Variants in PALLD observed in about 807,000 individuals in gnomAD.
PALLD encodes palladin.
PALLD carries 61 observed loss-of-function variants against 123.5 expected under a neutral mutation model. The ratio of observed to expected loss-of-function variants is 0.49; its 90% CI spans 0.40 to 0.61. The LOEUF (loss-of-function observed/expected upper bound fraction) is 0.61. PALLD is among the 20% of genes least tolerant of loss of function. The pLI, the probability that PALLD is intolerant of heterozygous loss-of-function variation, is 0.00. For synonymous variants in PALLD, 465 were observed against 496.4 expected (o/e 0.94, Z 0.84); for missense variants, 1,273 against 1,377.0 (o/e 0.92, Z 1.20).
intron 2 of PALLD, among the ~76,000 whole-genome samples, chr4:168,533,660 GC>G (rs1292717512): frequency 6.6e-6 from 1 of 152,182 alleles, no homozygotes; most frequent in African/African-American, 2.4e-5. Flanking sequence ...TGAAATGGGG[GC>G]TGGAGCTTGG....
At chr4:168,588,728 G>A (rs983461919) in intron 2 of PALLD, among the ~76,000 whole-genome samples, 1 of 150,288 alleles carries the variant, frequency 6.7e-6, no homozygotes, top group Non-Finnish European at 1.5e-5. Context: ...TACTTTTTAA[G>A]CATACTCTGG....
At chr4:168,761,645 G>GTTTTTTTGTTTTTTT (rs1732873381) in intron 10 of PALLD, among the ~76,000 whole-genome samples, 1 of 88,024 alleles carries the variant, frequency 1.1e-5, no homozygotes, top group African/African-American at 4.1e-5. Context: ...GTTGTTGTTT[G>GTTTTTTTGTTTTTTT]TTTTTTTTTT....
intron 2 of PALLD, among the ~76,000 whole-genome samples, chr4:168,662,305 C>T (rs906624545): frequency 2.0e-5 from 3 of 152,182 alleles, no homozygotes; most frequent in Admixed American, 6.5e-5. Flanking sequence ...TCAATCAAAA[C>T]CCCTCTCCAC....
At chr4:168,753,405 T>TC (rs1456515428) in intron 10 of PALLD, among the ~76,000 whole-genome samples, 2 of 141,338 alleles carry the variant, frequency 1.4e-5, no homozygotes, top group African/African-American at 5.2e-5. Context: ...GACCCTCTCC[T>TC]CCTCTTCCCT....
At chr4:168,586,514 C>T (rs776508611) in intron 2 of PALLD, among the ~76,000 whole-genome samples, 5 of 152,170 alleles carry the variant, frequency 3.3e-5, no homozygotes, top group African/African-American at 1.2e-4. Context: ...GCGAATCCCT[C>T]TCTTTACTTT....
intron 10 of PALLD, among the ~76,000 whole-genome samples, chr4:168,849,397 G>GGT (rs1196802372): frequency 6.6e-6 from 1 of 152,216 alleles, no homozygotes; most frequent in Non-Finnish European, 1.5e-5. Flanking sequence ...GCGTTTTTAA[G>GGT]GTGATTTCTA....
intron 2 of PALLD, among the ~76,000 whole-genome samples, chr4:168,579,106 C>T (rs1414286388): frequency 6.6e-6 from 1 of 152,126 alleles, no homozygotes; most frequent in Non-Finnish European, 1.5e-5. Context: ...GTAATTTTGA[C>T]TAAGGCAGTC....
At chr4:168,598,511 G>A (rs1772219845) in intron 2 of PALLD, 2 of 467,024 alleles carry the variant, frequency 4.3e-6, no homozygotes, top group South Asian at 3.8e-5. Flanking sequence ...AGCAGAGAGA[G>A]GTAATTGCAA....
At chr4:168,574,371 T>C (rs1456978599) in intron 2 of PALLD, among the ~76,000 whole-genome samples, 2 of 152,152 alleles carry the variant, frequency 1.3e-5, no homozygotes, top group Non-Finnish European at 2.9e-5. Flanking sequence ...TTTGCCACTA[T>C]TTAGCCTCTT....
chr4:168,542,717 CATATATATATATATATATATAT>C (rs70961531), intron 2 of PALLD, among the ~76,000 whole-genome samples: 1,733 of 88,938 alleles, frequency 0.019, 110 homozygotes, highest in Admixed American at 0.089. Flanking sequence ...CTAACCTTTC[CATATATATATATATATATATAT>C]ATATATATAT....
Position 168,685,540 on chromosome 4 carries a change from TTCC to T in PALLD, c.1321_1323del (p.Pro441del). 6.2e-7 allele frequency: 1 copy of T among 1,611,484 alleles called. No homozygotes were observed. The highest frequency in any genetic ancestry group is 8.5e-7 in the Non-Finnish European group (1 of 1,177,556). ...CCTGATGGAACCACTACTGCCTACT[TTCC>T]TCCTGTTTTTACAAAGGTCTGACAT... On this transcript the variant is annotated inframe_deletion, in exon 6 of 22. Transcript: ENST00000505667.
chr4:168,714,718 C>T (rs559385400), intron 10 of PALLD, among the ~76,000 whole-genome samples: 1 of 152,142 alleles, frequency 6.6e-6, no homozygotes, highest in South Asian at 2.1e-4. Flanking sequence ...TGTGCATCTC[C>T]ATCATTTGTA....
chr4:168,711,363 C>T (rs749478970), intron 9 of PALLD, among the ~76,000 whole-genome samples: 5 of 152,166 alleles, frequency 3.3e-5, no homozygotes, highest in African/African-American at 4.8e-5. Context: ...AATGTGAGCT[C>T]AGTCAGGAAA....
At chr4:168,624,826 G>A (rs1418596979) in intron 2 of PALLD, among the ~76,000 whole-genome samples, 1 of 151,998 alleles carries the variant, frequency 6.6e-6, no homozygotes, top group Non-Finnish European at 1.5e-5. Flanking sequence ...TAATAACAAA[G>A]ATAAAATACC....
intron 13 of PALLD, chr4:168,898,123 C>T: frequency 3.3e-6 from 1 of 305,382 alleles, no homozygotes; most frequent in Non-Finnish European, 6.4e-6. Context: ...AGCTTTTACC[C>T]TACAGAAGGA....
intron 2 of PALLD, among the ~76,000 whole-genome samples, chr4:168,545,785 C>T (rs1165627465): frequency 1.3e-5 from 2 of 152,080 alleles, no homozygotes; most frequent in African/African-American, 4.8e-5. Flanking sequence ...TTTGTAATTA[C>T]ATAATGTCAG....
intron 10 of PALLD, among the ~76,000 whole-genome samples, chr4:168,761,454 A>G (rs756436318): frequency 2.6e-4 from 39 of 152,040 alleles, no homozygotes; most frequent in Non-Finnish European, 4.6e-4. Context: ...AGGTAGCTAG[A>G]AAGTGGCTTT....
rs142646094 is a variant in PALLD, at chr4:168,628,277, C to T, written c.909-39913C>T. ...CAAGGGAATGCTATGCCACATTAAACACAGGCATGGTTACTCTGCACTGAT... is the reference window on the plus strand; with the variant it reads ...CAAGGGAATGCTATGCCACATTAAATACAGGCATGGTTACTCTGCACTGAT... On this transcript the variant is annotated intron_variant, in intron 2 of 21. Transcript: ENST00000505667. Among the ~76,000 whole-genome samples the T allele has an allele frequency of 7.9e-5, 12 of 152,308 alleles. No individual in the cohort carries two copies. The East Asian group carries it at 2.3e-3, about 29-fold the overall frequency.
intron 2 of PALLD, among the ~76,000 whole-genome samples, chr4:168,662,021 T>C (rs763046823): frequency 2.0e-4 from 31 of 152,246 alleles, no homozygotes; most frequent in Admixed American, 7.2e-4. Flanking sequence ...TATTGTATGA[T>C]CTTTCCATCC....
Sources: allele counts gnomAD v4.1 joint callset (sites outside exome capture counted in the v4.1 genomes callset), GRCh38; gene constraint gnomAD v4.1.1; transcripts MANE v1.5; gene names NCBI Gene and HGNC (gene_info 2026-07-23, HGNC 2026-07-21).